The following CACHD1 variants were observed in gnomAD, a reference collection of about 807,000 sequenced individuals.
CACHD1 encodes the protein cache domain containing 1.
Under a neutral mutation model 138.7 loss-of-function variants are expected in CACHD1, and 71 were observed. The ratio of observed to expected loss-of-function variants is 0.51; its 90% confidence interval spans 0.42 to 0.62. The LOEUF (loss-of-function observed/expected upper bound fraction) is 0.62, where lower values mean the gene tolerates loss of function less well. CACHD1 is among the 20% of genes least tolerant of loss of function. The probability of loss-of-function intolerance (pLI) is 0.00; values close to 1 mark genes in which losing one functional copy is unlikely to be tolerated. For missense variants in CACHD1, 1,389 were observed against 1,625.3 expected (o/e 0.85, Z 2.50); for synonymous variants, 578 against 591.5 (o/e 0.98, Z 0.33).
rs182330351 is a variant in CACHD1 at position 64,676,757 on chromosome 1, G to A, written c.2976-138G>A. 135 of 638,904 alleles carry A rather than the reference G, an allele frequency of 2.1e-4. No homozygotes were observed. The East Asian group carries it at 3.4e-3, about 16-fold the overall frequency. 39.6% of individuals were successfully genotyped at this position (638,904 alleles called of 1,614,324 possible). ...AAATTGAAGCTCAGAGTTGTTAAGT[G>A]ATTGATACAAGGTTACACACTAAGT... On this transcript the variant is annotated intron_variant, in intron 21 of 26. Coordinates refer to ENST00000651257, the MANE Select transcript of CACHD1 (RefSeq NM_020925.4).
intron 1 of CACHD1, among the ~76,000 whole-genome samples, chr1:64,540,979 AGTGT>A (rs369916212): frequency 1.0e-4 from 15 of 150,512 alleles, no homozygotes; most frequent in Admixed American, 4.0e-4. Flanking sequence ...AGTGGCTGTG[AGTGT>A]GTGTGTGTGT....
intron 1 of CACHD1, among the ~76,000 whole-genome samples, chr1:64,495,753 G>A (rs969225210): frequency 1.3e-5 from 2 of 151,558 alleles, no homozygotes; most frequent in African/African-American, 4.9e-5. Context: ...AAGAGCCCTA[G>A]CACCAAAGTC....
At chr1:64,474,914 G>A (rs796322371) in intron 1 of CACHD1, among the ~76,000 whole-genome samples, 1 of 152,216 alleles carries the variant, frequency 6.6e-6, no homozygotes. Context: ...ACAGCTGCTG[G>A]ATGAGGCCTG....
chr1:64,530,066 T>C (rs763134202), intron 1 of CACHD1, among the ~76,000 whole-genome samples: 5 of 152,184 alleles, frequency 3.3e-5, no homozygotes, highest in Non-Finnish European at 7.3e-5. Flanking sequence ...TGCCTGGCAA[T>C]AAAAGAGGAA....
chr1:64,653,386 TAAAAAAA>T (rs60661882), intron 10 of CACHD1, among the ~76,000 whole-genome samples: 9 of 108,474 alleles, frequency 8.3e-5, no homozygotes, highest in South Asian at 2.8e-4. Context: ...TAAAAGAAGT[TAAAAAAA>T]AAAAAAAAAA....
chr1:64,567,024 T>C (rs1379859853), intron 2 of CACHD1, among the ~76,000 whole-genome samples: 2 of 152,140 alleles, frequency 1.3e-5, no homozygotes, highest in African/African-American at 4.8e-5. Flanking sequence ...CTCCTGAGTA[T>C]AGGGACCATG....
intron 19 of CACHD1, among the ~76,000 whole-genome samples, chr1:64,674,493 C>T (rs1649920595): frequency 1.3e-5 from 2 of 152,048 alleles, no homozygotes; most frequent in Admixed American, 1.3e-4. Context: ...ATTTATTGGC[C>T]CAAGTTATCC....
intron 1 of CACHD1, among the ~76,000 whole-genome samples, chr1:64,476,264 G>T (rs1200615691): frequency 6.6e-6 from 1 of 152,110 alleles, no homozygotes; most frequent in Non-Finnish European, 1.5e-5. Flanking sequence ...CCTTCATATG[G>T]CTCCCATGTC....
At chr1:64,485,043 C>T (rs566098333) in intron 1 of CACHD1, among the ~76,000 whole-genome samples, 2 of 152,262 alleles carry the variant, frequency 1.3e-5, no homozygotes, top group East Asian at 3.9e-4. Flanking sequence ...GAGAAACTGC[C>T]GTACTGTTTT....
At chr1:64,633,620 TTCA>T (rs1277892615) in intron 6 of CACHD1, among the ~76,000 whole-genome samples, 1 of 152,152 alleles carries the variant, frequency 6.6e-6, no homozygotes, top group Non-Finnish European at 1.5e-5. Flanking sequence ...CATTTTCTGC[TTCA>T]TCATTTTGAC....
At chr1:64,606,168 G>C (rs1001607275) in intron 4 of CACHD1, among the ~76,000 whole-genome samples, 2 of 146,020 alleles carry the variant, frequency 1.4e-5, no homozygotes. Context: ...TGGAGGCCAG[G>C]GGCCAGGAGA....
intron 1 of CACHD1, among the ~76,000 whole-genome samples, chr1:64,517,228 T>C (rs1181961709): frequency 6.6e-6 from 1 of 152,210 alleles, no homozygotes; most frequent in Non-Finnish European, 1.5e-5. Flanking sequence ...ATTTTTTCAG[T>C]GTATACTATG....
At chr1:64,492,032 CT>C (rs773088597) in intron 1 of CACHD1, among the ~76,000 whole-genome samples, 9 of 150,406 alleles carry the variant, frequency 6.0e-5, no homozygotes, top group Non-Finnish European at 1.0e-4. Flanking sequence ...CTGAAAGTAC[CT>C]TTCACTAGTT....
intron 1 of CACHD1, among the ~76,000 whole-genome samples, chr1:64,471,686 GT>G (rs1646145833): frequency 6.6e-6 from 1 of 152,172 alleles, no homozygotes; most frequent in African/African-American, 2.4e-5. Context: ...TATGATTTTT[GT>G]TTCGTGTGTG....
intron 3 of CACHD1, among the ~76,000 whole-genome samples, chr1:64,598,265 C>T (rs985867576): frequency 1.3e-5 from 2 of 152,120 alleles, no homozygotes; most frequent in Admixed American, 1.3e-4. Context: ...TTTATCTGAC[C>T]GGCACATCAG....
intron 12 of CACHD1, among the ~76,000 whole-genome samples, chr1:64,656,456 G>A (rs1649265254): frequency 6.6e-6 from 1 of 152,160 alleles, no homozygotes; most frequent in Admixed American, 6.5e-5. Context: ...AGACTTTTGT[G>A]TTTGAAATTA....
chr1:64,567,704 A>G (rs1646893474), intron 2 of CACHD1, among the ~76,000 whole-genome samples: 1 of 152,196 alleles, frequency 6.6e-6, no homozygotes, highest in Non-Finnish European at 1.5e-5. Flanking sequence ...GTTGTTTTTC[A>G]TACTTTTTCT....
At chr1:64,570,109 C>T (rs948641186) in intron 2 of CACHD1, among the ~76,000 whole-genome samples, 3 of 152,130 alleles carry the variant, frequency 2.0e-5, no homozygotes, top group African/African-American at 7.2e-5. Context: ...ATAAACTCAT[C>T]TGAGAACATA....
chr1:64,500,795 C>A (rs1646335327), intron 1 of CACHD1, among the ~76,000 whole-genome samples: 2 of 149,842 alleles, frequency 1.3e-5, no homozygotes, highest in South Asian at 4.2e-4. Flanking sequence ...TGCCTGTAAT[C>A]CCAGCACTTT....
Sources: gnomAD v4.1 joint callset for allele counts (sites outside exome capture counted in the v4.1 genomes callset) on GRCh38, gnomAD v4.1.1 for gene constraint, MANE v1.5 for transcripts, NCBI Gene and HGNC (gene_info 2026-07-23, HGNC 2026-07-21) for gene names.